Variants in TPP2 observed in about 807,000 individuals in gnomAD.
TPP2 encodes the protein tripeptidyl-peptidase 2.
Under a neutral mutation model 155.9 loss-of-function variants are expected in TPP2, and 34 were observed. The observed-to-expected ratio is 0.22, with a 90% CI of 0.17 to 0.29. The LOEUF (loss-of-function observed/expected upper bound fraction) is 0.29, where lower values mean the gene tolerates loss of function less well. Ranked by LOEUF, TPP2 falls within the 10% of genes least tolerant of loss-of-function variation. The pLI is 1.00. For missense variants in TPP2, 1,028 were observed against 1,522.3 expected (o/e 0.68, Z 5.40); for synonymous variants, 510 against 529.4 (o/e 0.96, Z 0.50).
chr13:102,665,447 T>C (rs1282870392), intron 27 of TPP2, among the ~76,000 whole-genome samples: 1 of 152,188 alleles, frequency 6.6e-6, no homozygotes. Flanking sequence ...AGAGAATTTA[T>C]AGTTTTGCCT....
intron 25 of TPP2, among the ~76,000 whole-genome samples, chr13:102,658,251 C>T (rs1883984196): frequency 6.6e-6 from 1 of 152,124 alleles, no homozygotes; most frequent in African/African-American, 2.4e-5. Context: ...TGCATCCTTG[C>T]AGTTATATGG....
intron 27 of TPP2, among the ~76,000 whole-genome samples, chr13:102,672,772 A>G (rs1461085447): frequency 6.6e-6 from 1 of 152,238 alleles, no homozygotes; most frequent in East Asian, 1.9e-4. Context: ...ATGGCAAGCC[A>G]TGCAGATGCC....
intron 27 of TPP2, among the ~76,000 whole-genome samples, chr13:102,668,117 C>G (rs562252294): frequency 1.1e-4 from 16 of 152,074 alleles, no homozygotes; most frequent in African/African-American, 3.6e-4. Context: ...ATTTGTCTAG[C>G]GCAAATGATC....
chr13:102,656,975 A>C (rs1883898874), intron 24 of TPP2, 81 bp from the exon 25 acceptor site: 1 of 1,436,270 alleles, frequency 7.0e-7, no homozygotes, highest in Non-Finnish European at 9.4e-7. Flanking sequence ...CCCATGTTAC[A>C]TGACATGTAG....
intron 5 of TPP2, among the ~76,000 whole-genome samples, 161 bp from the exon 6 acceptor site, chr13:102,622,716 A>G (rs1881250770): frequency 1.3e-5 from 2 of 152,212 alleles, no homozygotes; most frequent in Admixed American, 1.3e-4. Context: ...CCTAATCCTT[A>G]CTGCCCACTC....
At chr13:102,650,774 C>CT (rs1883433837) in intron 23 of TPP2, among the ~76,000 whole-genome samples, 1 of 152,150 alleles carries the variant, frequency 6.6e-6, no homozygotes, top group East Asian at 1.9e-4. Flanking sequence ...TTTTAGGAGA[C>CT]AATTGTGAAA....
At chr13:102,597,545 G>T (rs1034670476) in intron 1 of TPP2, among the ~76,000 whole-genome samples, 6 of 152,008 alleles carry the variant, frequency 3.9e-5, no homozygotes, top group African/African-American at 1.4e-4. Context: ...CTTCCTTCTC[G>T]CTTCGGCGCT....
At chr13:102,623,063 A>T (rs774455482) in intron 6 of TPP2, 23 bp downstream of exon 6, 14 of 1,604,160 alleles carry the variant, frequency 8.7e-6, no homozygotes, top group Non-Finnish European at 1.1e-5. Flanking sequence ...AGATTGACCA[A>T]TGAGATATAG....
intron 3 of TPP2, 61 bp downstream of exon 3, chr13:102,614,257 T>G: frequency 7.4e-7 from 1 of 1,347,722 alleles, no homozygotes. Context: ...TCCTCAGATT[T>G]TATTCCTACT....
chr13:102,668,644 G>A (rs1884765348), intron 27 of TPP2, among the ~76,000 whole-genome samples: 1 of 152,188 alleles, frequency 6.6e-6, no homozygotes, highest in Admixed American at 6.5e-5. Flanking sequence ...GGAAGGTGGT[G>A]TCTGCCCAGG....
At chr13:102,671,343 G>A (rs1289830134) in intron 27 of TPP2, among the ~76,000 whole-genome samples, 3 of 152,136 alleles carry the variant, frequency 2.0e-5, no homozygotes, top group Non-Finnish European at 4.4e-5. Flanking sequence ...AATTCCAAGG[G>A]CTGTTTGACA....
chr13:102,618,178 A>G (rs1189357531), intron 4 of TPP2, among the ~76,000 whole-genome samples: 3 of 152,218 alleles, frequency 2.0e-5, no homozygotes, highest in African/African-American at 7.2e-5. Flanking sequence ...GGTTTTATTC[A>G]TGACCACAGA....
At position 102,676,325 on chromosome 13, in the gene TPP2, A is replaced by G. The variant is rs780646312; in HGVS notation, c.3609A>G (p.Leu1203=). 1.2e-6 allele frequency: 2 copies of G among 1,606,454 alleles called. No individual in the cohort carries two copies. The highest frequency in any genetic ancestry group is 1.7e-6 in the Non-Finnish European group (2 of 1,174,550). ...TGACATTTGCATATAAACATGCATT[A>G]GTAAATAAAATGTATGGGAGAGGCC... ...KVLTFAYKHA[L]VNKMYGRGLK... is the part of the protein sequence containing the mutation. Residue 1203 remains leucine, a synonymous_variant, in exon 29 of 30, where the codon TTA becomes TTG. Transcript: ENST00000376052.
chr13:102,665,178 T>A (rs1436246203), intron 27 of TPP2, among the ~76,000 whole-genome samples: 2 of 152,196 alleles, frequency 1.3e-5, no homozygotes, highest in African/African-American at 2.4e-5. Context: ...GGGATTTGAA[T>A]ATCTGTGATC....
chr13:102,615,856 T>G (rs763265794), intron 3 of TPP2, among the ~76,000 whole-genome samples: 1 of 152,228 alleles, frequency 6.6e-6, no homozygotes, highest in Non-Finnish European at 1.5e-5. Flanking sequence ...AAAATACATC[T>G]GGATGTGTCT....
chr13:102,677,372 C>CA (rs1885339644), intron 29 of TPP2, among the ~76,000 whole-genome samples: 1 of 20,686 alleles, frequency 4.8e-5, no homozygotes, highest in African/African-American at 2.8e-4. Context: ...CTCCACTCTG[C>CA]CCCCCCCGCT....
intron 21 of TPP2, among the ~76,000 whole-genome samples, chr13:102,648,388 C>T (rs1018521827): frequency 6.6e-6 from 1 of 151,572 alleles, no homozygotes; most frequent in African/African-American, 2.4e-5. Context: ...GAGTCCCCCT[C>T]TCTAAAAGGA....
At chr13:102,637,302 A>C in intron 14 of TPP2, 63 bp downstream of exon 14, 1 of 1,523,524 alleles carries the variant, frequency 6.6e-7, no homozygotes, top group East Asian at 2.4e-5. Context: ...GTTAAAAAAA[A>C]ATCCAAAGTA....
intron 24 of TPP2, among the ~76,000 whole-genome samples, chr13:102,656,570 T>C (rs1264172159): frequency 1.3e-5 from 2 of 152,176 alleles, no homozygotes; most frequent in Non-Finnish European, 2.9e-5. Context: ...GGTCTGTTCT[T>C]TACCTATTCT....
Sources: allele counts gnomAD v4.1 joint callset (sites outside exome capture counted in the v4.1 genomes callset), GRCh38; gene constraint gnomAD v4.1.1; transcripts MANE v1.5; gene names NCBI Gene and HGNC (gene_info 2026-07-23, HGNC 2026-07-21).